The following TOX2 variants were observed in gnomAD, a reference collection of about 807,000 sequenced individuals.
TOX2 encodes the protein TOX high mobility group box family member 2.
In TOX2, 15 loss-of-function variants were observed where a neutral mutation model predicts 47.4. That is an observed-to-expected ratio of 0.32 (90% confidence interval 0.21 to 0.49). The LOEUF (loss-of-function observed/expected upper bound fraction) is 0.49. TOX2 is among the 20% of genes least tolerant of loss of function. The pLI is 0.99. For synonymous variants in TOX2, 290 were observed against 296.6 expected (o/e 0.98, Z 0.23); for missense variants, 622 against 673.1 (o/e 0.92, Z 0.84).
intron 2 of TOX2, among the ~76,000 whole-genome samples, chr20:43,995,889 C>A (rs1331385298): frequency 6.6e-6 from 1 of 152,194 alleles, no homozygotes; most frequent in Non-Finnish European, 1.5e-5. Flanking sequence ...ATATGTACCA[C>A]ATACAACATT....
At chr20:44,020,753 C>A (rs1333534694) in intron 3 of TOX2, among the ~76,000 whole-genome samples, 1 of 152,220 alleles carries the variant, frequency 6.6e-6, no homozygotes, top group African/African-American at 2.4e-5. Flanking sequence ...GCTTCTAATG[C>A]CAGCCCAGAA....
rs193153373 is a variant in TOX2, at chr20:44,050,858, A to G, written c.412-448A>G. On this transcript the variant is annotated intron_variant, in intron 3 of 8. Transcript: ENST00000341197. ...ACAAAGAGGTTAGGTAACTTGGCCA[A>G]AGTCACCCAGCTGGTAGAATGGCAG... is the stretch of plus-strand genomic sequence containing the variant. Among the ~76,000 whole-genome samples, 270 of 152,316 alleles carry G rather than the reference A, an allele frequency of 1.8e-3. 1 individual carries two copies. The highest frequency in any genetic ancestry group is 6.3e-3 in the African/African-American group (261 of 41,570).
chr20:44,047,943 G>A (rs1473419892), intron 3 of TOX2, among the ~76,000 whole-genome samples: 1 of 152,126 alleles, frequency 6.6e-6, no homozygotes, highest in African/African-American at 2.4e-5. Context: ...TTTTGGCCGG[G>A]TGTGGTGGCT....
chr20:44,051,197 C>T, intron 3 of TOX2, 109 bp from the exon 4 acceptor site: 1 of 1,464,478 alleles, frequency 6.8e-7, no homozygotes, highest in Non-Finnish European at 9.2e-7. Flanking sequence ...GCAGGAGCCG[C>T]ACCCATCACT....
At chr20:43,972,135 C>T (rs2069982727) in intron 1 of TOX2, among the ~76,000 whole-genome samples, 1 of 152,198 alleles carries the variant, frequency 6.6e-6, no homozygotes, top group Admixed American at 6.5e-5. Flanking sequence ...GCAAATGGCT[C>T]ACAGCCAGTA....
At chr20:43,930,996 C>G (rs2069245383) in intron 1 of TOX2, among the ~76,000 whole-genome samples, 1 of 152,182 alleles carries the variant, frequency 6.6e-6, no homozygotes, top group South Asian at 2.1e-4. Flanking sequence ...CTCCTCTATC[C>G]CCTTCACTAG....
At position 44,007,671 on chromosome 20, in the gene TOX2, C is replaced by T. The variant is rs143706556; in HGVS notation, c.411+879C>T. Reference sequence around the variant, plus strand: ...GACCAGCCTTGGCAACATAGCAAGACCCCGTCTCTACAAAACAAATTAGCC... The same window carrying T: ...GACCAGCCTTGGCAACATAGCAAGATCCCGTCTCTACAAAACAAATTAGCC... On this transcript the variant is annotated intron_variant, in intron 3 of 8. Coordinates refer to ENST00000341197, the MANE Select transcript of TOX2 (RefSeq NM_001098797.2). 6.0e-3 allele frequency: 919 copies of T among 152,552 alleles called. 9 individuals are homozygous for T. The highest frequency in any genetic ancestry group is 0.026 in the South Asian group (125 of 4,818). The allele number at this position is 152,552 out of a possible 1,614,324, so 9.4% of individuals were successfully genotyped here.
At chr20:43,944,730 CCTCAGCAGCCTTTGCTG>C (rs1288556149) in intron 1 of TOX2, among the ~76,000 whole-genome samples, 1 of 152,212 alleles carries the variant, frequency 6.6e-6, no homozygotes, top group Non-Finnish European at 1.5e-5. Context: ...TGTGGTGCTT[CCTCAGCAGCCTTTGCTG>C]CTACTGAAAT....
intron 1 of TOX2, among the ~76,000 whole-genome samples, chr20:43,963,503 C>T (rs2069797743): frequency 6.6e-6 from 1 of 152,178 alleles, no homozygotes; most frequent in South Asian, 2.1e-4. Context: ...GGGTGGGAAG[C>T]CAGGATGTAC....
At chr20:44,053,644 ACACACATG>A (rs1227061259) in intron 4 of TOX2, among the ~76,000 whole-genome samples, 1 of 150,868 alleles carries the variant, frequency 6.6e-6, no homozygotes, top group Non-Finnish European at 1.5e-5. Flanking sequence ...ATACACATAT[ACACACATG>A]CACACACACT....
At chr20:43,951,853 A>AC (rs2069579783) in intron 1 of TOX2, among the ~76,000 whole-genome samples, 1 of 150,396 alleles carries the variant, frequency 6.6e-6, no homozygotes, top group Non-Finnish European at 1.5e-5. Context: ...GACTACAGGT[A>AC]CATACCACCA....
intron 3 of TOX2, among the ~76,000 whole-genome samples, chr20:44,016,203 C>T (rs369651606): frequency 6.6e-6 from 1 of 152,034 alleles, no homozygotes; most frequent in Non-Finnish European, 1.5e-5. Context: ...CTCCCAGCAC[C>T]CTTTAAGGTA....
At position 43,973,388 on chromosome 20, in the gene TOX2, G is replaced by T. The variant is rs144756563; in HGVS notation, c.121G>T (p.Val41Leu). 1 of 1,614,136 alleles carries T rather than the reference G, an allele frequency of 6.2e-7. No individual in the cohort carries two copies. Among genetic ancestry groups the T allele is most frequent in the Non-Finnish European group, 8.5e-7 (1 of 1,180,022 alleles). The change falls in exon 2 of 9, where the codon GTG becomes TTG. Residue 41 changes from valine to leucine, a missense_variant. Transcript: ENST00000341197. ...CTAGTTTGATGGTGACAGTGCCTAC[G>T]TGGGGATGAGTGACGGAAACCCAGA... ...GGKFDGDSAY[V>L]GMSDGNPELL... is the part of the protein sequence containing the mutation.
chr20:43,977,018 G>A (rs1481285834), intron 2 of TOX2, among the ~76,000 whole-genome samples: 1 of 152,208 alleles, frequency 6.6e-6, no homozygotes, highest in Non-Finnish European at 1.5e-5. Flanking sequence ...ATCAGCAAAT[G>A]TTTATTGGAC....
chr20:44,058,668 A>G (rs1200531576), intron 5 of TOX2, among the ~76,000 whole-genome samples: 1 of 152,232 alleles, frequency 6.6e-6, no homozygotes, highest in East Asian at 1.9e-4. Context: ...CTTCCACTGG[A>G]CCAGGTGTTG....
At chr20:43,926,081 T>C (rs1253538699) in intron 1 of TOX2, among the ~76,000 whole-genome samples, 7 of 152,230 alleles carry the variant, frequency 4.6e-5, no homozygotes, top group African/African-American at 1.4e-4. Context: ...TTTAGAAACT[T>C]GTCGGAAATG....
chr20:44,017,238 G>C (rs767674350), intron 3 of TOX2, among the ~76,000 whole-genome samples: 26 of 152,224 alleles, frequency 1.7e-4, no homozygotes, highest in Non-Finnish European at 2.9e-4. Flanking sequence ...TCTAAGCCCA[G>C]TTCTTCCTGC....
chr20:44,004,682 C>T (rs1444990840), intron 2 of TOX2, among the ~76,000 whole-genome samples: 1 of 152,206 alleles, frequency 6.6e-6, no homozygotes, highest in Non-Finnish European at 1.5e-5. Context: ...TACACACACC[C>T]AGCTATCCCC....
chr20:43,947,352 C>T (rs1354861997), intron 1 of TOX2, among the ~76,000 whole-genome samples: 1 of 152,202 alleles, frequency 6.6e-6, no homozygotes, highest in East Asian at 1.9e-4. Context: ...TATGTATGCA[C>T]ACATGCACGT....
Sources: gnomAD v4.1 joint callset for allele counts (sites outside exome capture counted in the v4.1 genomes callset) on GRCh38, gnomAD v4.1.1 for gene constraint, MANE v1.5 for transcripts, NCBI Gene and HGNC (gene_info 2026-07-23, HGNC 2026-07-21) for gene names.